PPP1R9A: variants seen among roughly 807,000 people sequenced by gnomAD.
PPP1R9A encodes the protein protein phosphatase 1 regulatory subunit 9A.
In PPP1R9A, 59 loss-of-function variants were observed where a neutral mutation model predicts 141.9. The observed-to-expected ratio is 0.42, with a 90% CI of 0.34 to 0.52. The LOEUF is 0.52. PPP1R9A is among the 20% of genes least tolerant of loss of function. PPP1R9A has a pLI of 0.10. For synonymous variants in PPP1R9A, 500 were observed against 569.7 expected (o/e 0.88, Z 1.74); for missense variants, 1,444 against 1,611.9 (o/e 0.90, Z 1.78).
chr7:94,925,697 C>T (rs1793388310), intron 2 of PPP1R9A, among the ~76,000 whole-genome samples: 1 of 152,162 alleles, frequency 6.6e-6, no homozygotes, highest in South Asian at 2.1e-4. Context: ...AGGATTGTCA[C>T]ACCGCTTGGC....
rs148105735 is a variant in PPP1R9A at position 95,240,454 on chromosome 7, G to A, written c.2113-7019G>A. On this transcript the variant is annotated intron_variant, in intron 8 of 19. Transcript: ENST00000433360. The stretch of plus-strand genomic sequence containing the variant: ...AAATACTGTCATCAGTATCTATTAC[G>A]TTTTTTTATGGTTTTATTTTGTCTT... Among the ~76,000 whole-genome samples the A allele has an allele frequency of 2.6e-3, 390 of 147,636 alleles. 3 individuals carry two copies. Among genetic ancestry groups the A allele is most frequent in the African/African-American group, 9.0e-3 (368 of 40,800 alleles).
chr7:94,999,142 G>A (rs1802547388), intron 2 of PPP1R9A, among the ~76,000 whole-genome samples: 1 of 152,170 alleles, frequency 6.6e-6, no homozygotes, highest in Non-Finnish European at 1.5e-5. Flanking sequence ...GATGAATGAT[G>A]TACTTTGAAC....
chr7:95,156,905 C>G (rs1311840388), intron 4 of PPP1R9A: 3 of 152,710 alleles, frequency 2.0e-5, no homozygotes, highest in Admixed American at 2.0e-4. Context: ...TGCAGCTGGT[C>G]ATCCATCATC....
intron 2 of PPP1R9A, among the ~76,000 whole-genome samples, chr7:95,094,687 C>T (rs1232153993): frequency 6.6e-6 from 1 of 151,868 alleles, no homozygotes; most frequent in Non-Finnish European, 1.5e-5. Flanking sequence ...TGAGACCAGC[C>T]TGGCTAACAT....
At chr7:94,984,997 G>GT (rs1253837751) in intron 2 of PPP1R9A, among the ~76,000 whole-genome samples, 4 of 152,174 alleles carry the variant, frequency 2.6e-5, no homozygotes, top group African/African-American at 9.7e-5. Context: ...TCTACGCACT[G>GT]TTTTAAATAT....
chr7:95,198,528 T>G (rs1836622166), intron 6 of PPP1R9A, 44 bp downstream of exon 6: 1 of 1,507,438 alleles, frequency 6.6e-7, no homozygotes, highest in Admixed American at 2.2e-5. Flanking sequence ...ATTTTCTAAT[T>G]CATGAAACTC....
At position 94,996,964 on chromosome 7, in the gene PPP1R9A, G is replaced by A. The variant is rs541899914; in HGVS notation, c.1395+85456G>A. On this transcript the variant is annotated intron_variant, in intron 2 of 19. Coordinates refer to ENST00000433360, the MANE Select transcript of PPP1R9A (RefSeq NM_001166160.2). ...ATTACAGGCATGTGCTACCACGCCCGGCTAATTTTTTGTATTTGGTAGAGA... is the reference window on the plus strand; with the variant it reads ...ATTACAGGCATGTGCTACCACGCCCAGCTAATTTTTTGTATTTGGTAGAGA... 7.2e-5 allele frequency among the ~76,000 whole-genome samples: 11 copies of A among 151,982 alleles called. No individual in the cohort carries two copies. The East Asian group carries it at 1.9e-3, about 27-fold the overall frequency.
rs1173324962 is a variant in PPP1R9A at position 95,292,438 on chromosome 7, T to G, written c.*2135T>G. ...TTCAAGAGTAGAAATAGAAGGATGA[T>G]TATCTTAAGTTATGTTTACACTTTG... is the stretch of plus-strand genomic sequence containing the variant. On this transcript the variant is annotated 3_prime_UTR_variant, in exon 20 of 20. Transcript: ENST00000433360. 6.6e-6 allele frequency: 1 copy of G among 152,642 alleles called. No homozygotes were observed. Among genetic ancestry groups the G allele is most frequent in the Non-Finnish European group, 1.5e-5 (1 of 68,042 alleles). 9.5% of individuals were successfully genotyped at this position (152,642 alleles called of 1,614,324 possible). A position where few individuals can be genotyped will look rare whatever the true frequency, so the allele number is the denominator to read the frequency against.
intron 14 of PPP1R9A, among the ~76,000 whole-genome samples, chr7:95,273,205 A>G (rs755937788): frequency 6.6e-5 from 10 of 152,106 alleles, no homozygotes; most frequent in Non-Finnish European, 1.5e-4. Context: ...CTGAACACTG[A>G]GGAGATTTTG....
At chr7:95,278,660 C>T (rs570932874) in intron 16 of PPP1R9A, among the ~76,000 whole-genome samples, 2 of 152,112 alleles carry the variant, frequency 1.3e-5, no homozygotes, top group African/African-American at 4.8e-5. Flanking sequence ...ACATATGCTA[C>T]AACAATATAA....
chr7:95,255,939 T>C (rs1228971643), intron 12 of PPP1R9A, among the ~76,000 whole-genome samples: 1 of 152,100 alleles, frequency 6.6e-6, no homozygotes, highest in Admixed American at 6.6e-5. Flanking sequence ...GTAAATGTGA[T>C]TCAAGGATTT....
chr7:95,110,467 G>T (rs1820359450), intron 2 of PPP1R9A, among the ~76,000 whole-genome samples: 1 of 152,046 alleles, frequency 6.6e-6, no homozygotes, highest in Admixed American at 6.6e-5. Context: ...TGGACTTGAT[G>T]AATTATACAT....
chr7:95,178,971 C>T lies in PPP1R9A; in HGVS notation c.1754+17000C>T, dbSNP rs539467411. ...ATTCAAAGAAGAATTGGTACCAATC[C>T]TATTGACACAATTCCAGATAGAGAA... On this transcript the variant is annotated intron_variant, in intron 5 of 19. Coordinates refer to ENST00000433360, the MANE Select transcript of PPP1R9A (RefSeq NM_001166160.2). Among the ~76,000 whole-genome samples the T allele has an allele frequency of 3.3e-5, 5 of 152,198 alleles. 1 individual carries two copies. Among genetic ancestry groups the T allele is most frequent in the Admixed American group, 1.3e-4 (2 of 15,278 alleles).
intron 2 of PPP1R9A, among the ~76,000 whole-genome samples, chr7:95,032,732 C>T (rs1370966702): frequency 6.6e-6 from 1 of 152,040 alleles, no homozygotes; most frequent in East Asian, 1.9e-4. Context: ...TCTTTTAGTA[C>T]AATTAAGACA....
rs527271134 is a variant in PPP1R9A, at chr7:94,934,524, C to G, written c.1395+23016C>G. Among the ~76,000 whole-genome samples the G allele has an allele frequency of 1.5e-3, 229 of 151,750 alleles. 2 individuals carry two copies. The highest frequency in any genetic ancestry group is 5.0e-3 in the African/African-American group (205 of 41,384). On this transcript the variant is annotated intron_variant, in intron 2 of 19. Coordinates refer to ENST00000433360, the MANE Select transcript of PPP1R9A (RefSeq NM_001166160.2). ...TTTTTTTTTGTCAAAAAGATCTGGC[C>G]TTTGAATTCAGATCAGATTCAGTGT...
chr7:94,999,777 TTTTATTTATTTATTTA>T (rs34600036), intron 2 of PPP1R9A, among the ~76,000 whole-genome samples: 48 of 141,304 alleles, frequency 3.4e-4, no homozygotes, highest in South Asian at 6.9e-4. Flanking sequence ...AGATATCTTA[TTTTATTTATTTATTTA>T]TTTATTTATT....
intron 2 of PPP1R9A, among the ~76,000 whole-genome samples, chr7:95,080,954 A>G (rs1297025356): frequency 2.6e-5 from 4 of 152,342 alleles, no homozygotes; most frequent in African/African-American, 4.8e-5. Context: ...TAAGATGTCA[A>G]TTAAAACATT....
chr7:95,222,428 C>A (rs938633020), intron 7 of PPP1R9A, among the ~76,000 whole-genome samples: 2 of 151,890 alleles, frequency 1.3e-5, no homozygotes, highest in African/African-American at 4.8e-5. Flanking sequence ...CACCCATATC[C>A]CATAGTTGTT....
intron 2 of PPP1R9A, among the ~76,000 whole-genome samples, chr7:94,968,815 A>G (rs896800618): frequency 1.3e-5 from 2 of 151,854 alleles, no homozygotes; most frequent in African/African-American, 4.8e-5. Flanking sequence ...ATAGCCCCAT[A>G]TTTCTTGGAG....
Sources: allele counts gnomAD v4.1 joint callset (sites outside exome capture counted in the v4.1 genomes callset), GRCh38; gene constraint gnomAD v4.1.1; transcripts MANE v1.5; gene names NCBI Gene and HGNC (gene_info 2026-07-23, HGNC 2026-07-21).